PTPRN2: variants seen among roughly 807,000 people sequenced by gnomAD.
PTPRN2 encodes protein tyrosine phosphatase receptor type N2.
PTPRN2 carries 74 observed loss-of-function variants against 118.8 expected under a neutral mutation model. The ratio of observed to expected loss-of-function variants is 0.62; its 90% CI spans 0.52 to 0.76. PTPRN2 has a LOEUF of 0.76. Ranked by LOEUF, PTPRN2 falls within the 30% of genes least tolerant of loss-of-function variation. The probability of loss-of-function intolerance (pLI) is 0.00; values close to 1 mark genes in which losing one functional copy is unlikely to be tolerated. For synonymous variants in PTPRN2, 641 were observed against 608.0 expected, an observed-to-expected ratio of 1.05 and a Z score of -0.80; for missense variants, 1,481 against 1,394.4, an observed-to-expected ratio of 1.06 and a Z score of -0.99.
chr7:158,584,471 T>C (rs1828811602), intron 1 of PTPRN2, among the ~76,000 whole-genome samples: 1 of 152,230 alleles, frequency 6.6e-6, no homozygotes, highest in Non-Finnish European at 1.5e-5. Context: ...TGAACAGCCC[T>C]GCATAACACA....
chr7:158,411,860 G>A (rs560149931), intron 2 of PTPRN2, among the ~76,000 whole-genome samples: 5 of 152,172 alleles, frequency 3.3e-5, no homozygotes, highest in South Asian at 2.1e-4. Flanking sequence ...GGCCCATCTC[G>A]TTAGGCTGCC....
chr7:158,459,572 C>T (rs116527079), intron 2 of PTPRN2, among the ~76,000 whole-genome samples: 2,343 of 152,300 alleles, frequency 0.015, 59 homozygotes, highest in African/African-American at 0.053. Flanking sequence ...TCTCCCACTA[C>T]CCTGAGGGCC....
chr7:158,042,706 T>C (rs994122378), intron 11 of PTPRN2, among the ~76,000 whole-genome samples: 1 of 152,162 alleles, frequency 6.6e-6, no homozygotes, highest in African/African-American at 2.4e-5. Flanking sequence ...AGCCGGCTGA[T>C]AGACACCATA....
intron 12 of PTPRN2, among the ~76,000 whole-genome samples, chr7:157,875,010 CACAG>C (rs1438189512): frequency 4.2e-5 from 4 of 95,516 alleles, no homozygotes; most frequent in Non-Finnish European, 4.8e-5. Context: ...CGTGCATGCA[CACAG>C]ACACACAGAC....
chr7:158,485,737 T>A (rs192888087), intron 2 of PTPRN2, among the ~76,000 whole-genome samples: 3 of 152,218 alleles, frequency 2.0e-5, no homozygotes, highest in African/African-American at 7.2e-5. Context: ...AGCAGGAACA[T>A]GCTCACGTGA....
At chr7:158,325,692 C>T (rs958225986) in intron 2 of PTPRN2, among the ~76,000 whole-genome samples, 17 of 152,262 alleles carry the variant, frequency 1.1e-4, no homozygotes, top group African/African-American at 3.6e-4. Context: ...GGCTGTATTC[C>T]GACAAGAAGG....
intron 7 of PTPRN2, among the ~76,000 whole-genome samples, chr7:158,137,820 C>T (rs1383842753): frequency 2.0e-5 from 3 of 152,208 alleles, no homozygotes; most frequent in Non-Finnish European, 2.9e-5. Flanking sequence ...TGCAGAAGTC[C>T]TGGCTGACCC....
At chr7:157,961,816 G>A (rs927017300) in intron 11 of PTPRN2, among the ~76,000 whole-genome samples, 1 of 152,332 alleles carries the variant, frequency 6.6e-6, no homozygotes, top group East Asian at 1.9e-4. Flanking sequence ...ATGGGAGCCC[G>A]AACATGAGCC....
At chr7:158,209,945 T>C (rs995915329) in intron 3 of PTPRN2, among the ~76,000 whole-genome samples, 2 of 152,190 alleles carry the variant, frequency 1.3e-5, no homozygotes, top group South Asian at 2.1e-4. Flanking sequence ...TGCTTCTGAA[T>C]GACCAGTGGG....
chr7:158,163,628 C>G (rs1278061322), intron 6 of PTPRN2, among the ~76,000 whole-genome samples: 4 of 147,524 alleles, frequency 2.7e-5, no homozygotes, highest in African/African-American at 1.0e-4. Context: ...TCTCAATATT[C>G]TCTGTATATT....
chr7:157,604,280 C>T (rs928606522), intron 15 of PTPRN2, among the ~76,000 whole-genome samples: 10 of 152,234 alleles, frequency 6.6e-5, no homozygotes, highest in Non-Finnish European at 1.5e-4. Flanking sequence ...CTCCAGGGCC[C>T]ACCCGCATCC....
chr7:157,608,870 A>T (rs751390274), intron 15 of PTPRN2, among the ~76,000 whole-genome samples: 1 of 152,218 alleles, frequency 6.6e-6, no homozygotes, highest in African/African-American at 2.4e-5. Context: ...GTGAGAATTC[A>T]TAACAGCCTG....
chr7:158,432,911 C>G (rs1816324326), intron 2 of PTPRN2, among the ~76,000 whole-genome samples: 1 of 152,210 alleles, frequency 6.6e-6, no homozygotes, highest in South Asian at 2.1e-4. Context: ...CAAATGTTTA[C>G]AGAACAAACA....
chr7:157,683,362 G>C (rs922598127), intron 12 of PTPRN2, among the ~76,000 whole-genome samples: 1 of 152,300 alleles, frequency 6.6e-6, no homozygotes, highest in South Asian at 2.1e-4. Context: ...GGGCAGGCCC[G>C]GAGCCTTCTG....
chr7:158,368,427 T>A (rs1809693609), intron 2 of PTPRN2, among the ~76,000 whole-genome samples: 1 of 152,250 alleles, frequency 6.6e-6, no homozygotes, highest in African/African-American at 2.4e-5. Flanking sequence ...CATCACTGGC[T>A]GGGCTAGCAC....
rs142058013 is a variant in PTPRN2, at chr7:157,845,408, G to T, written c.1788+53265C>A. Among the ~76,000 whole-genome samples, 1 of 141,982 alleles carries T rather than the reference G, an allele frequency of 7.0e-6. No individual in the cohort carries two copies. The highest frequency in any genetic ancestry group is 2.1e-4 in the South Asian group (1 of 4,754). 93.1% of individuals were successfully genotyped at this position (141,982 alleles called of 152,430 possible). On this transcript the variant is annotated intron_variant, in intron 12 of 22. Coordinates refer to ENST00000389418, the MANE Select transcript of PTPRN2 (RefSeq NM_002847.5). The surrounding 1 kb of genome is among the most constrained non-coding windows in gnomAD (Gnocchi z 4.5). ...GTGAATCACGCAGCCTAACTCACCA[G>T]GTTACTGGCCTAACTCACCATGTTC... is the stretch of plus-strand genomic sequence containing the variant.
At chr7:157,835,956 C>G (rs886964524) in intron 12 of PTPRN2, among the ~76,000 whole-genome samples, 1 of 152,196 alleles carries the variant, frequency 6.6e-6, no homozygotes, top group Non-Finnish European at 1.5e-5. Flanking sequence ...GAACTTCAGA[C>G]AGTACAACAA....
chr7:157,821,716 G>A (rs58327986), intron 12 of PTPRN2, among the ~76,000 whole-genome samples: 5,369 of 152,262 alleles, frequency 0.035, 235 homozygotes, highest in East Asian at 0.21. Context: ...CCGGGGCAGA[G>A]GCAGTGGCTG....
chr7:158,401,718 G>A (rs369223047), intron 2 of PTPRN2, among the ~76,000 whole-genome samples: 7 of 152,230 alleles, frequency 4.6e-5, no homozygotes, highest in African/African-American at 1.2e-4. Context: ...AATTATTCCC[G>A]AGACAAAATT....
Sources: gnomAD v4.1 joint callset for allele counts (sites outside exome capture counted in the v4.1 genomes callset) on GRCh38, gnomAD v4.1.1 for gene constraint, Gnocchi (gnomAD v3.1) non-coding constraint, MANE v1.5 for transcripts, NCBI Gene and HGNC (gene_info 2026-07-23, HGNC 2026-07-21) for gene names.